The following ITGA9 variants were observed in gnomAD, a reference collection of about 807,000 sequenced individuals.
ITGA9 encodes the protein integrin subunit alpha 9.
In ITGA9, 56 loss-of-function variants were observed where a neutral mutation model predicts 127.8. The ratio of observed to expected loss-of-function variants is 0.44; its 90% CI spans 0.35 to 0.55. The LOEUF is 0.55. ITGA9 is among the 20% of genes least tolerant of loss of function. The probability of loss-of-function intolerance (pLI) is 0.00; values close to 1 mark genes in which losing one functional copy is unlikely to be tolerated. For synonymous variants in ITGA9, 508 were observed against 514.5 expected, an observed-to-expected ratio of 0.99 and a Z score of 0.17; for missense variants, 1,196 against 1,347.1, an observed-to-expected ratio of 0.89 and a Z score of 1.76.
intron 9 of ITGA9, 150 bp from the exon 10 acceptor site, chr3:37,517,354 T>G: frequency 1.2e-5 from 8 of 679,984 alleles, no homozygotes; most frequent in East Asian, 5.8e-5. Flanking sequence ...AGAGAGAAGT[T>G]TGGGTTCCTG....
chr3:37,794,097 C>T (rs1697144741), intron 26 of ITGA9, among the ~76,000 whole-genome samples: 1 of 152,190 alleles, frequency 6.6e-6, no homozygotes, highest in Non-Finnish European at 1.5e-5. Flanking sequence ...GTGAGGTGTG[C>T]TCGAATCTGC....
intron 15 of ITGA9, among the ~76,000 whole-genome samples, chr3:37,564,102 G>A (rs568781909): frequency 7.2e-5 from 11 of 152,304 alleles, no homozygotes; most frequent in East Asian, 3.9e-4. Flanking sequence ...GCCCAGGCAC[G>A]CAAGGAGGAT....
intron 9 of ITGA9, among the ~76,000 whole-genome samples, chr3:37,516,605 T>C (rs155521): frequency 0.61 from 93,394 of 151,960 alleles, 29,020 homozygotes; most frequent in East Asian, 0.86. Context: ...GTTTCATTCA[T>C]CCAAGAAATC....
In ITGA9 at chr3:37,736,904, T is replaced by C. The variant is rs1696369044; in HGVS notation, c.2155T>C (p.Tyr719His). The change falls in exon 20 of 28, where the codon TAT becomes CAT. Residue 719 changes from tyrosine (Y) to histidine (H), a missense_variant and splice_region_variant. Tyr to His is a moderately conservative substitution (Grantham distance 83). Coordinates refer to ENST00000264741, the MANE Select transcript of ITGA9 (RefSeq NM_002207.3). ...CAAATACCACTTCCTTTTTCACTAG[T>C]ATGAATTCAGCGTGATCTTTGATAC... ...GFPFMRSKSKYEFSVIFDTSH... is the reference protein window; with the variant it reads ...GFPFMRSKSKHEFSVIFDTSH... 2 of 1,608,642 alleles carry C rather than the reference T, an allele frequency of 1.2e-6. No individual in the cohort carries two copies. Among genetic ancestry groups the C allele is most frequent in the Middle Eastern group, 1.7e-4 (1 of 6,054 alleles).
At position 37,508,548 on chromosome 3, in the gene ITGA9, T is replaced by A; in HGVS notation, c.829-11T>A. ...TCATCCTAACTAGATTTTTTTTTTT[T>A]CATTCCATAGGTTTATATTTTCAGA... On this transcript the variant is annotated splice_polypyrimidine_tract_variant and intron_variant, in intron 7 of 27. Coordinates refer to ENST00000264741, the MANE Select transcript of ITGA9 (RefSeq NM_002207.3). 6.2e-7 allele frequency: 1 copy of A among 1,607,490 alleles called. No homozygotes were observed. Among genetic ancestry groups the A allele is most frequent in the Non-Finnish European group, 8.5e-7 (1 of 1,175,086 alleles).
intron 15 of ITGA9, among the ~76,000 whole-genome samples, chr3:37,628,692 T>A (rs191024130): frequency 6.6e-6 from 1 of 152,172 alleles, no homozygotes; most frequent in East Asian, 1.9e-4. Flanking sequence ...GGGCCAGGAG[T>A]CAGAATTTCA....
intron 15 of ITGA9, among the ~76,000 whole-genome samples, chr3:37,604,183 A>G (rs1699946756): frequency 1.3e-5 from 2 of 152,234 alleles, no homozygotes; most frequent in Admixed American, 1.3e-4. Context: ...TGTTTGAGAC[A>G]TCTGGAGTTA....
rs191944900 is a variant in ITGA9 at position 37,569,419 on chromosome 3, G to A, written c.1689+26834G>A. On this transcript the variant is annotated intron_variant, in intron 15 of 27. Transcript: ENST00000264741. ...CCATATCATGGGGGTAGAGTTGAGGGAAGGAGAGAACATTCCAGGGATAGG... is the reference window on the plus strand; with the variant it reads ...CCATATCATGGGGGTAGAGTTGAGGAAAGGAGAGAACATTCCAGGGATAGG... Among the ~76,000 whole-genome samples the A allele has an allele frequency of 2.8e-3, 423 of 152,310 alleles. 1 individual carries two copies. Among genetic ancestry groups the A allele is most frequent in the Middle Eastern group, 6.8e-3 (2 of 294 alleles).
At chr3:37,781,199 C>T (rs1696972422) in intron 25 of ITGA9, among the ~76,000 whole-genome samples, 1 of 152,258 alleles carries the variant, frequency 6.6e-6, no homozygotes, top group South Asian at 2.1e-4. Flanking sequence ...CCAGTTGCCA[C>T]AAGCACCCAG....
At chr3:37,509,764 A>G (rs780078296) in intron 8 of ITGA9, among the ~76,000 whole-genome samples, 1 of 152,182 alleles carries the variant, frequency 6.6e-6, no homozygotes, top group Non-Finnish European at 1.5e-5. Flanking sequence ...ACCCCAAAGC[A>G]ACAGCACTGG....
chr3:37,506,421 C>T (rs1698844413), intron 7 of ITGA9, among the ~76,000 whole-genome samples: 1 of 152,192 alleles, frequency 6.6e-6, no homozygotes, highest in Non-Finnish European at 1.5e-5. Context: ...AACTTCAAAT[C>T]CCAAACCCTT....
At chr3:37,455,231 G>A (rs1403472256) in intron 1 of ITGA9, among the ~76,000 whole-genome samples, 1 of 152,136 alleles carries the variant, frequency 6.6e-6, no homozygotes, top group East Asian at 1.9e-4. Flanking sequence ...CTGCTTGAGG[G>A]ACATGTCAGT....
At chr3:37,743,803 A>G in intron 21 of ITGA9, 123 bp from the exon 22 acceptor site, 1 of 751,448 alleles carries the variant, frequency 1.3e-6, no homozygotes. Context: ...CAGCCCCAGC[A>G]GGGAAGCACT....
At chr3:37,788,280 C>T (rs959305816) in intron 26 of ITGA9, among the ~76,000 whole-genome samples, 2 of 152,100 alleles carry the variant, frequency 1.3e-5, no homozygotes, top group African/African-American at 4.8e-5. Flanking sequence ...TTTTCCTTCT[C>T]TGAGGTATGC....
chr3:37,516,494 A>T (rs192308181), intron 9 of ITGA9, among the ~76,000 whole-genome samples: 1 of 139,510 alleles, frequency 7.2e-6, no homozygotes, highest in Non-Finnish European at 1.5e-5. Context: ...CTGGCTGTAC[A>T]GTACCTGGTA....
chr3:37,466,483 CAA>C (rs60980366), intron 1 of ITGA9, among the ~76,000 whole-genome samples: 10 of 26,062 alleles, frequency 3.8e-4, no homozygotes, highest in East Asian at 1.6e-3. Context: ...GACACCATCT[CAA>C]AAAAAAAAAA....
intron 18 of ITGA9, among the ~76,000 whole-genome samples, chr3:37,697,105 G>A (rs1454552251): frequency 6.6e-6 from 1 of 152,104 alleles, no homozygotes; most frequent in African/African-American, 2.4e-5. Flanking sequence ...AAGAGAATAT[G>A]TCTGTATACA....
chr3:37,487,335 C>T (rs920700996), intron 4 of ITGA9, among the ~76,000 whole-genome samples: 2 of 152,060 alleles, frequency 1.3e-5, no homozygotes, highest in African/African-American at 4.8e-5. Flanking sequence ...GGAGGGAGGC[C>T]CCAGAGGACA....
Position 37,452,569 on chromosome 3 carries a change from C to T in ITGA9, c.185+10C>T, listed in dbSNP as rs376274113. On this transcript the variant is annotated intron_variant, in intron 1 of 27. Transcript: ENST00000264741. The surrounding 1 kb of genome is among the most constrained non-coding windows in gnomAD (Gnocchi z 7.3). The stretch of plus-strand genomic sequence containing the variant: ...ACGACAACACGCGCTGGTGAGTGCC[C>T]GCCCGACTCCGCGACCCTGGCCCGC... The T allele has an allele frequency of 3.9e-4, 584 of 1,507,808 alleles. 4 individuals are homozygous for T. The African/African-American group carries it at 7.5e-3, about 19-fold the overall frequency. 93.4% of individuals were successfully genotyped at this position (1,507,808 alleles called of 1,614,324 possible).
Sources: gnomAD v4.1 joint callset for allele counts (sites outside exome capture counted in the v4.1 genomes callset) on GRCh38, gnomAD v4.1.1 for gene constraint, Gnocchi (gnomAD v3.1) non-coding constraint, MANE v1.5 for transcripts, NCBI Gene and HGNC (gene_info 2026-07-23, HGNC 2026-07-21) for gene names.